EPHB1: variants seen among roughly 807,000 people sequenced by gnomAD.
EPHB1 encodes the protein ephrin type-B receptor 1.
Under a neutral mutation model 94.4 loss-of-function variants are expected in EPHB1, and 30 were observed. That is an observed-to-expected ratio of 0.32 (90% CI 0.24 to 0.43). EPHB1 has a LOEUF of 0.43. Among genes scored for constraint, EPHB1 ranks in the 20% least tolerant of loss-of-function variants. The pLI is 1.00. For missense variants in EPHB1, 1,055 were observed against 1,308.3 expected (o/e 0.81, Z 2.99); for synonymous variants, 522 against 489.1 (o/e 1.07, Z -0.89).
chr3:134,891,345 A>G (rs1303045838), intron 1 of EPHB1, among the ~76,000 whole-genome samples: 2 of 152,168 alleles, frequency 1.3e-5, no homozygotes, highest in African/African-American at 2.4e-5. Context: ...CCTGAGCTCA[A>G]GTGATCCACC....
At chr3:134,815,649 G>A (rs2036255747) in intron 1 of EPHB1, among the ~76,000 whole-genome samples, 1 of 152,156 alleles carries the variant, frequency 6.6e-6, no homozygotes, top group African/African-American at 2.4e-5. Flanking sequence ...GTTGCAAGTT[G>A]CCCTCTAAAA....
chr3:134,885,292 A>C (rs941681470), intron 1 of EPHB1, among the ~76,000 whole-genome samples: 3 of 152,382 alleles, frequency 2.0e-5, no homozygotes, highest in African/African-American at 7.2e-5. Flanking sequence ...AAGAATAATG[A>C]ACAGAGCATC....
intron 3 of EPHB1, among the ~76,000 whole-genome samples, chr3:135,007,009 C>T (rs1299380229): frequency 6.6e-6 from 1 of 152,144 alleles, no homozygotes; most frequent in Non-Finnish European, 1.5e-5. Context: ...CCCAATGGAT[C>T]AGGAGTCACT....
At chr3:134,974,210 G>A (rs7636504) in intron 3 of EPHB1, among the ~76,000 whole-genome samples, 63,026 of 151,912 alleles carry the variant, frequency 0.41, 13,986 homozygotes, top group African/African-American at 0.56. Context: ...AAGGATGCAC[G>A]CGTGCGCACA....
intron 3 of EPHB1, among the ~76,000 whole-genome samples, chr3:135,038,277 C>T (rs79275479): frequency 0.018 from 2,812 of 152,314 alleles, 95 homozygotes; most frequent in African/African-American, 0.064. Context: ...CCCTTTGAAT[C>T]TGGGCTGGGC....
At chr3:134,947,141 C>T (rs1333205352) in intron 2 of EPHB1, among the ~76,000 whole-genome samples, 3 of 152,104 alleles carry the variant, frequency 2.0e-5, no homozygotes, top group East Asian at 1.9e-4. Flanking sequence ...TGGCTAATGG[C>T]GCCTGGCACA....
At chr3:134,883,766 A>C (rs544168312) in intron 1 of EPHB1, among the ~76,000 whole-genome samples, 2 of 152,196 alleles carry the variant, frequency 1.3e-5, no homozygotes, top group Non-Finnish European at 2.9e-5. Context: ...TGTGGTTATC[A>C]TGGAGGCTCT....
chr3:135,016,180 A>G (rs16842497), intron 3 of EPHB1, among the ~76,000 whole-genome samples: 5,437 of 152,314 alleles, frequency 0.036, 325 homozygotes, highest in African/African-American at 0.12. Flanking sequence ...CTTTAATGTC[A>G]TAGTTTAAGA....
At position 134,913,986 on chromosome 3, in the gene EPHB1, G is replaced by A. The variant is rs537303926; in HGVS notation, c.59-11830G>A. Among the ~76,000 whole-genome samples the A allele has an allele frequency of 2.0e-5, 3 of 152,292 alleles. No homozygotes were observed. In the East Asian group the frequency reaches 5.8e-4, roughly 29 times the overall value. On this transcript the variant is annotated intron_variant, in intron 1 of 15. Coordinates refer to ENST00000398015, the MANE Select transcript of EPHB1 (RefSeq NM_004441.5). ...GTCCATCCCAGATGCCCTCATGCAT[G>A]GTGTATGTGGGGAGGTGGAGGCTGT...
chr3:134,885,781 C>A (rs1018653151), intron 1 of EPHB1, among the ~76,000 whole-genome samples: 1 of 152,206 alleles, frequency 6.6e-6, no homozygotes. Context: ...TACTTCCCAA[C>A]CTTCTTTGAC....
In EPHB1 at chr3:135,259,331, A is replaced by C. The variant is rs1933551018; in HGVS notation, c.*211A>C. The C allele has an allele frequency of 2.5e-6, 1 of 394,766 alleles. No homozygotes were observed. Among genetic ancestry groups the C allele is most frequent in the Non-Finnish European group, 4.6e-6 (1 of 219,764 alleles). The allele number at this position is 394,766 out of a possible 1,614,324, so 24.5% of individuals were successfully genotyped here. Reference sequence around the variant, plus strand: ...TTTGAGATGCCGTGGGAAACCAAATATATAATAATAAAAATATAAAAAGGT... The same window carrying C: ...TTTGAGATGCCGTGGGAAACCAAATCTATAATAATAAAAATATAAAAAGGT... On this transcript the variant is annotated 3_prime_UTR_variant, in exon 16 of 16. Transcript: ENST00000398015.
rs1166430396 is a variant in EPHB1, at chr3:135,166,964, G to A, written c.1717G>A (p.Ala573Thr). Residue 573 changes from alanine to threonine, a missense_variant, in exon 9 of 16, where the codon GCT (alanine) becomes ACT (threonine). Ala to Thr is a moderately conservative substitution (Grantham distance 58). Coordinates refer to ENST00000398015, the MANE Select transcript of EPHB1 (RefSeq NM_004441.5). The stretch of plus-strand genomic sequence containing the variant: ...CAGGAAACGGGCTTATAGCAAAGAG[G>A]CTGTGTACAGCGATAAGCTCCAGCA... Reference protein sequence around the residue: ...CSRKRAYSKEAVYSDKLQHYS... With the variant: ...CSRKRAYSKETVYSDKLQHYS... 1.9e-5 allele frequency: 30 copies of A among 1,614,138 alleles called. No homozygotes were observed. The highest frequency in any genetic ancestry group is 2.5e-5 in the Non-Finnish European group (30 of 1,179,988).
intron 12 of EPHB1, among the ~76,000 whole-genome samples, chr3:135,213,880 T>C (rs1230747794): frequency 6.6e-6 from 1 of 152,200 alleles, no homozygotes; most frequent in Non-Finnish European, 1.5e-5. Flanking sequence ...CCAAGAAGCC[T>C]CCAGCTTTGC....
intron 13 of EPHB1, among the ~76,000 whole-genome samples, chr3:135,242,913 G>A (rs1278057512): frequency 1.3e-5 from 2 of 151,792 alleles, no homozygotes; most frequent in Non-Finnish European, 2.9e-5. Context: ...CTTTGTCTCT[G>A]CTAAAAATAC....
chr3:134,838,783 A>C (rs1201220088), intron 1 of EPHB1, among the ~76,000 whole-genome samples: 1 of 152,344 alleles, frequency 6.6e-6, no homozygotes, highest in East Asian at 1.9e-4. Context: ...AGCTCAGAGC[A>C]GCCACCGCCA....
chr3:135,251,722 AGACT>A (rs1282982155), intron 15 of EPHB1, among the ~76,000 whole-genome samples: 1 of 152,352 alleles, frequency 6.6e-6, no homozygotes, highest in African/African-American at 2.4e-5. Context: ...ATCCCTTGGG[AGACT>A]GACTACCAGC....
At chr3:135,176,208 C>CA (rs1279836591) in intron 9 of EPHB1, among the ~76,000 whole-genome samples, 1 of 152,100 alleles carries the variant, frequency 6.6e-6, no homozygotes, top group East Asian at 1.9e-4. Context: ...CACAGACTGC[C>CA]GCCCCACACA....
At position 135,179,248 on chromosome 3, in the gene EPHB1, T is replaced by C. The variant is rs182632607; in HGVS notation, c.1760-612T>C. On this transcript the variant is annotated intron_variant, in intron 9 of 15. Coordinates refer to ENST00000398015, the MANE Select transcript of EPHB1 (RefSeq NM_004441.5). ...TTTTCTTTCATACCACCTCATTTTT[T>C]CTATGTAGACTTTGCTCTTTTCTCT... 4.5e-3 allele frequency among the ~76,000 whole-genome samples: 680 copies of C among 152,338 alleles called. 2 individuals are homozygous for C. The highest frequency in any genetic ancestry group is 7.1e-3 in the Non-Finnish European group (486 of 68,030).
At chr3:135,016,800 A>G (rs1207563772) in intron 3 of EPHB1, among the ~76,000 whole-genome samples, 1 of 152,210 alleles carries the variant, frequency 6.6e-6, no homozygotes, top group African/African-American at 2.4e-5. Flanking sequence ...TTCACTGATT[A>G]GCATTGCTTC....
Sources: allele counts gnomAD v4.1 joint callset (sites outside exome capture counted in the v4.1 genomes callset), GRCh38; gene constraint gnomAD v4.1.1; transcripts MANE v1.5; gene names NCBI Gene and HGNC (gene_info 2026-07-23, HGNC 2026-07-21).